Variants in DAO observed in about 807,000 individuals in gnomAD.
The protein encoded by DAO is D-amino acid oxidase.
DAO carries 51 observed loss-of-function variants against 50.1 expected under a neutral mutation model. The observed-to-expected ratio is 1.02, with a 90% confidence interval of 0.81 to 1.29. DAO has a LOEUF of 1.29. Ranked by LOEUF, DAO falls within the 50% of genes most tolerant of loss-of-function variation. The probability of loss-of-function intolerance (pLI) is 0.00; values close to 1 mark genes in which losing one functional copy is unlikely to be tolerated. For synonymous variants in DAO, 160 were observed against 166.2 expected, an observed-to-expected ratio of 0.96 and a Z score of 0.29; for missense variants, 436 against 439.4, an observed-to-expected ratio of 0.99 and a Z score of 0.07.
intron 1 of DAO, among the ~76,000 whole-genome samples, chr12:108,882,437 C>T (rs910622981): frequency 1.4e-4 from 21 of 152,132 alleles, no homozygotes; most frequent in African/African-American, 4.1e-4. Flanking sequence ...CACCTGAACC[C>T]GGGAGGCAGA....
At chr12:108,895,639 G>A (rs1436736529) in intron 7 of DAO, among the ~76,000 whole-genome samples, 2 of 136,020 alleles carry the variant, frequency 1.5e-5, no homozygotes, top group African/African-American at 5.5e-5. Context: ...TGTGTGTGAG[G>A]GTATGTGTGT....
chr12:108,891,264 C>T (rs986987633), intron 5 of DAO, among the ~76,000 whole-genome samples: 5 of 152,010 alleles, frequency 3.3e-5, no homozygotes, highest in Non-Finnish European at 7.4e-5. Context: ...GCCTGGGCAA[C>T]ATGGCAAAAC....
chr12:108,883,492 T>G, intron 1 of DAO: 1 of 379,926 alleles, frequency 2.6e-6, no homozygotes, highest in Non-Finnish European at 5.3e-6. Context: ...CTATGTGATT[T>G]TTCAAAATGC....
chr12:108,890,202 C>T lies in DAO; in HGVS notation c.387-6C>T. ...TATTTCCACCTTTTGCTTACTGTGA[C>T]TCTAGCTATGGCTGGTTCCACACAA... On this transcript the variant is annotated splice_region_variant and splice_polypyrimidine_tract_variant and intron_variant, in intron 4 of 10. Transcript: ENST00000228476. 1 of 1,611,316 alleles carries T rather than the reference C, an allele frequency of 6.2e-7. No homozygotes were observed. The highest frequency in any genetic ancestry group is 1.1e-5 in the South Asian group (1 of 91,000).
chr12:108,899,689 A>G (rs1412793397), intron 10 of DAO: 3 of 601,928 alleles, frequency 5.0e-6, no homozygotes, highest in Non-Finnish European at 9.0e-6. Flanking sequence ...GGCAGTGGTG[A>G]TGTTAATGGA....
chr12:108,900,709 G>A lies in DAO; in HGVS notation c.*174G>A, dbSNP rs1200151768. ...GGAGAAGGGTTCAGCCCAACATGGG[G>A]CCCCTCTCATCACTGAAATCCCTCT... is the stretch of plus-strand genomic sequence containing the variant. On this transcript the variant is annotated 3_prime_UTR_variant, in exon 11 of 11. Transcript: ENST00000228476. The A allele has an allele frequency of 3.7e-6, 3 of 802,784 alleles. No individual in the cohort carries two copies. The highest frequency in any genetic ancestry group is 1.7e-5 in the South Asian group (1 of 58,582). The allele number at this position is 802,784 out of a possible 1,614,324, so 49.7% of individuals were successfully genotyped here.
At chr12:108,893,088 T>G (rs1440263917) in intron 6 of DAO, 52 bp downstream of exon 6, 1 of 1,531,604 alleles carries the variant, frequency 6.5e-7, no homozygotes, top group Non-Finnish European at 9.0e-7. Flanking sequence ...AGGGGAGGCC[T>G]CTGCTTCTTG....
In DAO at chr12:108,895,919, G is replaced by A. The variant is rs559305473; in HGVS notation, c.613-1087G>A. On this transcript the variant is annotated intron_variant, in intron 7 of 10. Coordinates refer to ENST00000228476, the MANE Select transcript of DAO (RefSeq NM_001917.5). ...ACTGAAGCATAAGTCTCAAATCATCGAGGTTTATGGAGCCAGCTTGAGGGC... is the reference window on the plus strand; with the variant it reads ...ACTGAAGCATAAGTCTCAAATCATCAAGGTTTATGGAGCCAGCTTGAGGGC... Among the ~76,000 whole-genome samples the A allele has an allele frequency of 2.6e-5, 4 of 151,916 alleles. No homozygotes were observed. The South Asian group carries it at 8.3e-4, about 32-fold the overall frequency.
chr12:108,891,403 T>A lies in DAO; in HGVS notation c.452+1130T>A, dbSNP rs957885056. ...AAGGAGAGGCTGCAGTGAGCTGTGATCATGCCACTGCACTCCAGCCTGGGT... is the reference window on the plus strand; with the variant it reads ...AAGGAGAGGCTGCAGTGAGCTGTGAACATGCCACTGCACTCCAGCCTGGGT... On this transcript the variant is annotated intron_variant, in intron 5 of 10. Coordinates refer to ENST00000228476, the MANE Select transcript of DAO (RefSeq NM_001917.5). Among the ~76,000 whole-genome samples the A allele has an allele frequency of 2.0e-5, 3 of 148,630 alleles. No individual in the cohort carries two copies. In the Admixed American group the frequency reaches 2.0e-4, roughly 10 times the overall value.
intron 1 of DAO, among the ~76,000 whole-genome samples, chr12:108,881,601 A>ATTTTTCTTTTTTTTTTTT (rs1566033319): frequency 1.0e-5 from 1 of 99,208 alleles, no homozygotes; most frequent in African/African-American, 4.1e-5. Flanking sequence ...TTCCTTTTAA[A>ATTTTTCTTTTTTTTTTTT]TTTTTTTTTT....
Position 108,889,931 on chromosome 12 carries a change from C to A in DAO, c.387-277C>A, listed in dbSNP as rs71454753. ...CTCTACAGCCTGATGCCTCTCTGGT[C>A]TTCTCCTCACCCCACCCCACACCAC... is the stretch of plus-strand genomic sequence containing the variant. On this transcript the variant is annotated intron_variant, in intron 4 of 10. Coordinates refer to ENST00000228476, the MANE Select transcript of DAO (RefSeq NM_001917.5). Among the ~76,000 whole-genome samples, 11 of 152,228 alleles carry A rather than the reference C, an allele frequency of 7.2e-5. No homozygotes were observed. The South Asian group carries it at 2.3e-3, about 32-fold the overall frequency.
intron 1 of DAO, among the ~76,000 whole-genome samples, chr12:108,881,128 C>T (rs2039372930): frequency 6.6e-6 from 1 of 151,212 alleles, no homozygotes; most frequent in Non-Finnish European, 1.5e-5. Flanking sequence ...TACATTGGTT[C>T]CCTTCCTGCT....
At chr12:108,886,300 A>C (rs1255918685) in intron 2 of DAO, among the ~76,000 whole-genome samples, 1 of 152,150 alleles carries the variant, frequency 6.6e-6, no homozygotes, top group Non-Finnish European at 1.5e-5. Flanking sequence ...CTGGGATTAC[A>C]GGTGTGAGCC....
In DAO at chr12:108,900,587, C is replaced by T. The variant is rs369536423; in HGVS notation, c.*52C>T. The T allele has an allele frequency of 7.0e-5, 112 of 1,606,602 alleles. 1 individual carries two copies. Among genetic ancestry groups the T allele is most frequent in the Middle Eastern group, 6.6e-4 (4 of 6,052 alleles). On this transcript the variant is annotated 3_prime_UTR_variant, in exon 11 of 11. Transcript: ENST00000228476. ...CACAAGAACTCCCTTCTCCCCTCAG[C>T]CAATGAATCAATGTGCTCCTTCATA...
chr12:108,890,426 C>T (rs77333477), intron 5 of DAO, among the ~76,000 whole-genome samples, 153 bp downstream of exon 5: 5 of 152,246 alleles, frequency 3.3e-5, no homozygotes, highest in East Asian at 1.9e-4. Context: ...TCCTGATCAC[C>T]GCTGGGCACA....
intron 1 of DAO, 111 bp downstream of exon 1, chr12:108,880,335 G>A: frequency 2.9e-6 from 1 of 347,676 alleles, no homozygotes; most frequent in Non-Finnish European, 5.7e-6. Flanking sequence ...ACAGCCTAAG[G>A]CAGGTGACAG....
Position 108,899,414 on chromosome 12 carries a change from C to G in DAO, c.851C>G (p.Pro284Arg), listed in dbSNP as rs746734558. The change falls in exon 10 of 11, where the codon CCA becomes CGA. Residue 284 changes from proline (P) to arginine (R), a missense_variant. By Grantham distance (103) the Pro-to-Arg change is moderately radical. Transcript: ENST00000228476. ...RIIGERTGFR[P>R]VRPQIRLERE... Reference sequence around the variant, plus strand: ...ATTGGTGAACGAACTGGCTTCCGGCCAGTACGCCCCCAGATTCGGCTAGAA... The same window carrying G: ...ATTGGTGAACGAACTGGCTTCCGGCGAGTACGCCCCCAGATTCGGCTAGAA... The G allele has an allele frequency of 6.2e-7, 1 of 1,613,886 alleles. No homozygotes were observed. Among genetic ancestry groups the G allele is most frequent in the East Asian group, 2.2e-5 (1 of 44,862 alleles).
At chr12:108,882,228 T>A (rs1234140327) in intron 1 of DAO, among the ~76,000 whole-genome samples, 1 of 152,086 alleles carries the variant, frequency 6.6e-6, no homozygotes, top group Non-Finnish European at 1.5e-5. Flanking sequence ...AGTTTATAGA[T>A]GAGGTCGGGC....
intron 2 of DAO, among the ~76,000 whole-genome samples, chr12:108,887,155 G>C (rs1230987711): frequency 3.0e-4 from 45 of 152,156 alleles, no homozygotes. Context: ...CCAGGTCAAG[G>C]ACTTCACTGA....
Sources: allele counts gnomAD v4.1 joint callset (sites outside exome capture counted in the v4.1 genomes callset), GRCh38; gene constraint gnomAD v4.1.1; transcripts MANE v1.5; gene names NCBI Gene and HGNC (gene_info 2026-07-23, HGNC 2026-07-21).